The following ITPR1 variants were observed in gnomAD, a reference collection of about 807,000 sequenced individuals.
ITPR1 encodes inositol 1,4,5-trisphosphate receptor type 1, also known as inositol 1,4,5-trisphosphate-gated calcium channel ITPR1.
A neutral mutation model predicts 318.4 loss-of-function variants in ITPR1; 96 were observed. The ratio of observed to expected loss-of-function variants is 0.30; its 90% confidence interval spans 0.26 to 0.36. ITPR1 has a LOEUF of 0.36. Among genes scored for constraint, ITPR1 ranks in the 10% least tolerant of loss-of-function variants. ITPR1 has a pLI of 1.00. For synonymous variants in ITPR1, 1,312 were observed against 1,289.9 expected, an observed-to-expected ratio of 1.02 and a Z score of -0.37; for missense variants, 2,440 against 3,460.2, an observed-to-expected ratio of 0.71 and a Z score of 7.40.
At chr3:4,662,282 A>G in intron 15 of ITPR1, 40 bp downstream of exon 15, 1 of 1,456,300 alleles carries the variant, frequency 6.9e-7, no homozygotes. Flanking sequence ...GCCCTCCCGC[A>G]CTGAGAGTTT....
intron 53 of ITPR1, among the ~76,000 whole-genome samples, chr3:4,796,020 C>G (rs890937655): frequency 5.3e-5 from 8 of 152,118 alleles, no homozygotes; most frequent in Non-Finnish European, 1.2e-4. Flanking sequence ...CAGGAACCAC[C>G]TTATGTGACA....
At chr3:4,568,806 T>C (rs1232505412) in intron 4 of ITPR1, among the ~76,000 whole-genome samples, 1 of 152,206 alleles carries the variant, frequency 6.6e-6, no homozygotes, top group Non-Finnish European at 1.5e-5. Context: ...TTTCTTGCAT[T>C]GCTATAAAGA....
intron 44 of ITPR1, among the ~76,000 whole-genome samples, chr3:4,759,940 C>G (rs1023640724): frequency 6.6e-6 from 1 of 152,236 alleles, no homozygotes; most frequent in South Asian, 2.1e-4. Flanking sequence ...GCCCCTGCCC[C>G]TGCCCTGGCC....
Position 4,702,948 on chromosome 3 carries a change from T to C in ITPR1, c.4655T>C (p.Val1552Ala), listed in dbSNP as rs1252955044. 1 of 1,613,642 alleles carries C rather than the reference T, an allele frequency of 6.2e-7. No individual in the cohort carries two copies. Among genetic ancestry groups the C allele is most frequent in the East Asian group, 2.2e-5 (1 of 44,878 alleles). ...VESCIRVLSD[V>A]AKSRAIAIPV... ...AGCTGTATTCGGGTGCTGTCTGATG[T>C]AGGTAAGATACCAAGTCAGTTTGGA... is the stretch of plus-strand genomic sequence containing the variant. The change falls in exon 36 of 62, where the codon GTA (valine) becomes GCA (alanine). Residue 1552 changes from valine (V) to alanine (A), a missense_variant and splice_region_variant. Physicochemically the swap from Val to Ala is moderately conservative, Grantham distance 64. Coordinates refer to ENST00000649015, the MANE Select transcript of ITPR1 (RefSeq NM_001378452.1).
intron 52 of ITPR1, among the ~76,000 whole-genome samples, chr3:4,788,935 G>A (rs187596833): frequency 1.6e-4 from 24 of 152,350 alleles, no homozygotes; most frequent in Admixed American, 2.6e-4. Flanking sequence ...GAGAACAGCC[G>A]TGTTGGAGGT....
intron 35 of ITPR1, among the ~76,000 whole-genome samples, chr3:4,701,009 G>C (rs1027673231): frequency 6.6e-6 from 1 of 152,186 alleles, no homozygotes; most frequent in Non-Finnish European, 1.5e-5. Flanking sequence ...CAACATGTGG[G>C]AATTGTGGGA....
In ITPR1 at chr3:4,510,206, C is replaced by G. The variant is rs191474067; in HGVS notation, c.-16-6270C>G. On this transcript the variant is annotated intron_variant, in intron 2 of 61. Coordinates refer to ENST00000649015, the MANE Select transcript of ITPR1 (RefSeq NM_001378452.1). ...ACAGCATGTGCAAAGGCCCAGGGAACAGAGCATGGTGGGGGCCCTGGAAAA... is the reference window on the plus strand; with the variant it reads ...ACAGCATGTGCAAAGGCCCAGGGAAGAGAGCATGGTGGGGGCCCTGGAAAA... Among the ~76,000 whole-genome samples the G allele has an allele frequency of 3.7e-3, 570 of 152,140 alleles. 4 individuals are homozygous for G. The highest frequency in any genetic ancestry group is 0.013 in the African/African-American group (539 of 41,480).
At chr3:4,628,045 A>G (rs2092896654) in intron 5 of ITPR1, among the ~76,000 whole-genome samples, 167 bp downstream of exon 5, 1 of 152,158 alleles carries the variant, frequency 6.6e-6, no homozygotes, top group Non-Finnish European at 1.5e-5. Flanking sequence ...AGAGAGGGAT[A>G]GATCCTAGTC....
At position 4,806,980 on chromosome 3, in the gene ITPR1, A is replaced by G. The variant is rs534342104; in HGVS notation, c.7272+713A>G. 3.9e-5 allele frequency among the ~76,000 whole-genome samples: 6 copies of G among 152,184 alleles called. No homozygotes were observed. In the South Asian group the frequency reaches 1.2e-3, roughly 32 times the overall value. ...ATGACAGGAAGCATAAAACTGACCT[A>G]TCTGCAAGCAACACCATAAACAGCC... is the stretch of plus-strand genomic sequence containing the variant. On this transcript the variant is annotated intron_variant, in intron 55 of 61. Transcript: ENST00000649015.
At chr3:4,617,357 C>A (rs894587830) in intron 4 of ITPR1, among the ~76,000 whole-genome samples, 1 of 152,074 alleles carries the variant, frequency 6.6e-6, no homozygotes, top group African/African-American at 2.4e-5. Flanking sequence ...ATGGCCTGGT[C>A]TCTGCTCTCA....
intron 44 of ITPR1, among the ~76,000 whole-genome samples, chr3:4,738,919 C>T (rs1379912201): frequency 3.3e-5 from 5 of 152,128 alleles, no homozygotes; most frequent in Admixed American, 1.3e-4. Flanking sequence ...TGGCCGCACG[C>T]ACATGCTGTT....
At position 4,836,829 on chromosome 3, in the gene ITPR1, A is replaced by C. The variant is rs2050960262; in HGVS notation, c.8084A>C (p.Asp2695Ala). Residue 2695 changes from aspartate to alanine, a missense_variant, in exon 61 of 62, where the codon GAT (aspartate) becomes GCT (alanine). Asp to Ala is a moderately radical substitution (Grantham distance 126). Coordinates refer to ENST00000649015, the MANE Select transcript of ITPR1 (RefSeq NM_001378452.1). ...AGAGCCATGTCATTGGTCAGCAGTG[A>C]TTCTGAAGGAGAACAGAATGAGCTG... is the stretch of plus-strand genomic sequence containing the variant. Reference protein sequence around the residue: ...RMRAMSLVSSDSEGEQNELRN... With the variant: ...RMRAMSLVSSASEGEQNELRN... 2 of 1,559,414 alleles carry C rather than the reference A, an allele frequency of 1.3e-6. No individual in the cohort carries two copies.
intron 4 of ITPR1, among the ~76,000 whole-genome samples, chr3:4,584,559 G>GTTT (rs5846327): frequency 6.9e-6 from 1 of 145,196 alleles, no homozygotes; most frequent in African/African-American, 2.5e-5. Context: ...GAGTTAGTGG[G>GTTT]TTTTTTTTTT....
At chr3:4,571,087 G>T (rs1283323002) in intron 4 of ITPR1, among the ~76,000 whole-genome samples, 1 of 152,130 alleles carries the variant, frequency 6.6e-6, no homozygotes, top group Non-Finnish European at 1.5e-5. Flanking sequence ...GCACAAGTCC[G>T]TGAAGCCTTT....
chr3:4,618,690 T>A (rs2092479899), intron 4 of ITPR1, among the ~76,000 whole-genome samples: 1 of 152,226 alleles, frequency 6.6e-6, no homozygotes, highest in Admixed American at 6.5e-5. Context: ...ATCCATCGGA[T>A]GATCTGACCC....
intron 5 of ITPR1, among the ~76,000 whole-genome samples, chr3:4,635,886 G>T (rs1267782948): frequency 1.0e-3 from 151 of 151,328 alleles, no homozygotes; most frequent in Non-Finnish European, 2.1e-4. Context: ...TTGTTTGTTT[G>T]CTTGCTTTTT....
chr3:4,509,010 T>G (rs914028763), intron 2 of ITPR1, among the ~76,000 whole-genome samples: 13 of 152,168 alleles, frequency 8.5e-5, no homozygotes, highest in African/African-American at 2.9e-4. Context: ...CAGAGGTGAG[T>G]GAAGACTTTG....
At chr3:4,825,488 A>T (rs1431859384) in intron 60 of ITPR1, among the ~76,000 whole-genome samples, 2 of 152,196 alleles carry the variant, frequency 1.3e-5, no homozygotes, top group African/African-American at 4.8e-5. Flanking sequence ...TTGCCTGACA[A>T]GCACCTCCTG....
chr3:4,523,020 G>T (rs2124931574), intron 4 of ITPR1, among the ~76,000 whole-genome samples: 1 of 152,310 alleles, frequency 6.6e-6, no homozygotes, highest in Non-Finnish European at 1.5e-5. Context: ...AAGCTTCTCA[G>T]GTGTTTCTCT....
Sources: allele counts gnomAD v4.1 joint callset (sites outside exome capture counted in the v4.1 genomes callset), GRCh38; gene constraint gnomAD v4.1.1; transcripts MANE v1.5; gene names NCBI Gene and HGNC (gene_info 2026-07-23, HGNC 2026-07-21).